Variants in PARVB observed in about 807,000 individuals in gnomAD.
PARVB encodes the protein parvin beta, also known as beta-parvin.
A neutral mutation model predicts 47.0 loss-of-function variants in PARVB; 46 were observed. That is an observed-to-expected ratio of 0.98 (90% CI 0.77 to 1.25). The LOEUF (loss-of-function observed/expected upper bound fraction) is 1.25, where lower values mean the gene tolerates loss of function less well. Among genes scored for constraint, PARVB ranks in the 50% most tolerant of loss-of-function variants. The pLI is 0.00. For missense variants in PARVB, 473 were observed against 471.6 expected (o/e 1.00, Z -0.03); for synonymous variants, 196 against 196.3 (o/e 1.00, Z 0.01).
At chr22:44,080,452 A>G (rs1449086945) in intron 1 of PARVB, among the ~76,000 whole-genome samples, 1 of 152,120 alleles carries the variant, frequency 6.6e-6, no homozygotes, top group Non-Finnish European at 1.5e-5. Context: ...CTTCAAAGCC[A>G]TCTCCCGATC....
intron 11 of PARVB, among the ~76,000 whole-genome samples, chr22:44,159,063 G>A (rs890231717): frequency 6.6e-6 from 1 of 151,634 alleles, no homozygotes; most frequent in East Asian, 1.9e-4. Flanking sequence ...ATGTTGAATC[G>A]AGAGAGAGAG....
intron 2 of PARVB, among the ~76,000 whole-genome samples, chr22:44,098,169 G>A (rs1306386848): frequency 6.6e-6 from 1 of 152,130 alleles, no homozygotes; most frequent in Non-Finnish European, 1.5e-5. Flanking sequence ...TCCAGAAACG[G>A]GCTCTCTGAA....
chr22:44,102,002 T>C (rs2052458464), intron 3 of PARVB, among the ~76,000 whole-genome samples: 1 of 152,134 alleles, frequency 6.6e-6, no homozygotes, highest in South Asian at 2.1e-4. Context: ...CCCAATTGTG[T>C]CAATATCTAG....
At chr22:44,126,138 A>C (rs919906723) in intron 4 of PARVB, among the ~76,000 whole-genome samples, 1 of 152,132 alleles carries the variant, frequency 6.6e-6, no homozygotes, top group Non-Finnish European at 1.5e-5. Flanking sequence ...GTGTGAACCC[A>C]GCAGCACTGA....
intron 3 of PARVB, chr22:44,113,326 G>A (rs1477996723): frequency 1.3e-5 from 1 of 74,922 alleles, no homozygotes; most frequent in Non-Finnish European, 2.5e-5. Context: ...CTAAGGCCCT[G>A]CACCAACACA....
chr22:44,129,901 C>T (rs1265543391), intron 4 of PARVB, among the ~76,000 whole-genome samples: 4 of 152,204 alleles, frequency 2.6e-5, no homozygotes, highest in Non-Finnish European at 5.9e-5. Context: ...AGTAGGTGTT[C>T]AGTCCCTATC....
intron 1 of PARVB, among the ~76,000 whole-genome samples, chr22:44,076,338 C>G (rs574564539): frequency 4.6e-4 from 70 of 152,344 alleles, no homozygotes; most frequent in African/African-American, 1.6e-3. Context: ...TGTCCTCTTT[C>G]TAGTCCTCTG....
chr22:44,111,590 G>C (rs1028846434), intron 3 of PARVB: 17 of 151,432 alleles, frequency 1.1e-4, no homozygotes, highest in African/African-American at 4.1e-4. Context: ...GGGACTACAG[G>C]TGTGCACTGC....
chr22:44,091,531 A>C (rs889811718), intron 1 of PARVB, among the ~76,000 whole-genome samples: 1 of 151,984 alleles, frequency 6.6e-6, no homozygotes, highest in African/African-American at 2.4e-5. Flanking sequence ...TCCTCTATGC[A>C]TTCGCCTACT....
intron 1 of PARVB, among the ~76,000 whole-genome samples, chr22:44,088,319 C>T (rs16991431): frequency 0.17 from 25,315 of 151,914 alleles, 2,485 homozygotes; most frequent in East Asian, 0.25. Flanking sequence ...TTGGAGGAGG[C>T]GGCCAGTAAG....
intron 4 of PARVB, among the ~76,000 whole-genome samples, chr22:44,122,547 AG>A: frequency 1.1e-5 from 1 of 91,558 alleles, no homozygotes; most frequent in African/African-American, 5.0e-5. Flanking sequence ...AGAGAGAGAG[AG>A]AGAGACACAG....
chr22:44,110,461 C>T (rs2052670890), intron 3 of PARVB: 1 of 152,216 alleles, frequency 6.6e-6, no homozygotes, highest in South Asian at 2.1e-4. Context: ...GATGTCAGTC[C>T]CACAGTTTCG....
At chr22:44,095,251 G>A (rs557971498) in intron 2 of PARVB, among the ~76,000 whole-genome samples, 2 of 152,256 alleles carry the variant, frequency 1.3e-5, no homozygotes, top group East Asian at 3.9e-4. Flanking sequence ...GCTCACACCT[G>A]TAATCCCAGC....
chr22:44,160,742 A>C (rs2054032893), intron 11 of PARVB, among the ~76,000 whole-genome samples: 1 of 152,228 alleles, frequency 6.6e-6, no homozygotes, highest in African/African-American at 2.4e-5. Flanking sequence ...ATCTCACTTC[A>C]AAACCACTTA....
Position 44,009,627 on chromosome 22 carries a change from ATGTT to A in PARVB, c.211+9956_211+9959del, listed in dbSNP as rs2050501567. 3.3e-5 allele frequency: 5 copies of A among 150,796 alleles called. No individual in the cohort carries two copies. The Admixed American group carries it at 3.3e-4, about 10-fold the overall frequency. The allele number at this position is 150,796 out of a possible 1,614,324, so 9.3% of individuals were successfully genotyped here. ...ATATAATATATGTGATATATGTAAT[ATGTT>A]TATTACATATATATAAAATAGGTTT... On this transcript the variant is annotated intron_variant, in intron 2 of 13. Transcript: ENST00000406477.
intron 2 of PARVB, among the ~76,000 whole-genome samples, chr22:44,014,121 C>T (rs1461468740): frequency 1.3e-5 from 2 of 152,180 alleles, no homozygotes; most frequent in African/African-American, 4.8e-5. Flanking sequence ...ATGTATTGTT[C>T]AAGGGTCCTG....
chr22:44,057,463 G>A (rs1413155123), intron 1 of PARVB, among the ~76,000 whole-genome samples: 2 of 152,118 alleles, frequency 1.3e-5, no homozygotes, highest in Admixed American at 6.6e-5. Context: ...AGCGAGGCCC[G>A]AGGAGAGCTG....
At chr22:44,028,057 C>T (rs925539596) in intron 1 of PARVB, among the ~76,000 whole-genome samples, 19 of 151,904 alleles carry the variant, frequency 1.3e-4, no homozygotes, top group Non-Finnish European at 2.2e-4. Context: ...CCCTTCTCAC[C>T]TCCATCAGTG....
At chr22:44,018,832 G>A (rs370008881) in intron 2 of PARVB, among the ~76,000 whole-genome samples, 1 of 152,204 alleles carries the variant, frequency 6.6e-6, no homozygotes, top group Non-Finnish European at 1.5e-5. Flanking sequence ...GCTTGCCATG[G>A]TTATGGTTGA....
Sources: allele counts gnomAD v4.1 joint callset (sites outside exome capture counted in the v4.1 genomes callset), GRCh38; gene constraint gnomAD v4.1.1; transcripts MANE v1.5; gene names NCBI Gene and HGNC (gene_info 2026-07-23, HGNC 2026-07-21).